The following CCT4 variants were observed in gnomAD, a reference collection of about 807,000 sequenced individuals.
CCT4 encodes the protein chaperonin containing TCP1 subunit 4, also known as T-complex protein 1 subunit delta.
A neutral mutation model predicts 62.5 loss-of-function variants in CCT4; 17 were observed. The observed-to-expected ratio is 0.27, with a 90% CI of 0.19 to 0.41. CCT4 has a LOEUF of 0.41. Among genes scored for constraint, CCT4 ranks in the 10% least tolerant of loss-of-function variants. The probability of loss-of-function intolerance (pLI) is 1.00; values close to 1 mark genes in which losing one functional copy is unlikely to be tolerated. For synonymous variants in CCT4, 250 were observed against 229.9 expected, an observed-to-expected ratio of 1.09 and a Z score of -0.79; for missense variants, 592 against 659.2, an observed-to-expected ratio of 0.90 and a Z score of 1.12.
rs759327568 is a variant in CCT4, at chr2:61,880,394, G to A, written c.271C>T (p.Leu91=). The change falls in exon 4 of 14, where the codon CTG becomes TTG. Residue 91 remains leucine (L), a splice_region_variant and synonymous_variant. Transcript: ENST00000394440. ...TCTTGAGCCTTAGACAGCTCCACCA[G>A]CTAAGTGAACAGAAAATGCCAAGTT... ...MQVLHPAARM[L]VELSKAQDIE... is the part of the protein sequence containing the mutation. The A allele has an allele frequency of 1.9e-6, 3 of 1,581,522 alleles. No homozygotes were observed. Among genetic ancestry groups the A allele is most frequent in the African/African-American group, 1.4e-5 (1 of 73,740 alleles).
At position 61,868,691 on chromosome 2, in the gene CCT4, A is replaced by G; in HGVS notation, c.*1T>C. On this transcript the variant is annotated 3_prime_UTR_variant, in exon 14 of 14. Transcript: ENST00000394440. ...ATAATGGTGCTAGTCAGTTATCCAG[A>G]TTATCGAGTGTTTACCTGATAAGAG... 6.3e-7 allele frequency: 1 copy of G among 1,592,222 alleles called. No homozygotes were observed.
At chr2:61,871,944 A>G in intron 12 of CCT4, 138 bp downstream of exon 12, 1 of 612,024 alleles carries the variant, frequency 1.6e-6, no homozygotes, top group South Asian at 2.2e-5. Context: ...GGCATAGATT[A>G]ATTAACATGC....
intron 5 of CCT4, 149 bp from the exon 6 acceptor site, chr2:61,877,663 T>TA: frequency 1.9e-6 from 1 of 533,920 alleles, no homozygotes; most frequent in Non-Finnish European, 3.1e-6. Flanking sequence ...AGACAGTCCA[T>TA]AAAGTGTCTT....
intron 4 of CCT4, among the ~76,000 whole-genome samples, chr2:61,879,894 C>T (rs1669076868): frequency 6.6e-6 from 1 of 152,074 alleles, no homozygotes; most frequent in Admixed American, 6.5e-5. Context: ...CCATGCCCGG[C>T]TAATTTTTTG....
In CCT4 at chr2:61,883,485, G is replaced by C; in HGVS notation, c.244C>G (p.Gln82Glu). 2 of 1,582,346 alleles carry C rather than the reference G, an allele frequency of 1.3e-6. No individual in the cohort carries two copies. The highest frequency in any genetic ancestry group is 1.7e-6 in the Non-Finnish European group (2 of 1,159,570). Residue 82 changes from glutamine to glutamate, a missense_variant, in exon 3 of 14, where the codon CAA becomes GAA. By Grantham distance (29) the Gln-to-Glu change is conservative. Coordinates refer to ENST00000394440, the MANE Select transcript of CCT4 (RefSeq NM_006430.4). ...ATTCTGGCTGCTGGATGTAATACTT[G>C]CATTTGTTTCAGAATGGTAGCACCA... is the stretch of plus-strand genomic sequence containing the variant. ...NDGATILKQMQVLHPAARMLV... is the reference protein window; with the variant it reads ...NDGATILKQMEVLHPAARMLV...
chr2:61,888,250 G>C, intron 1 of CCT4, 131 bp downstream of exon 1: 2 of 1,117,662 alleles, frequency 1.8e-6, no homozygotes, highest in African/African-American at 1.6e-5. Flanking sequence ...CCCTCCACTG[G>C]GCTGCTTCTA....
At chr2:61,869,143 GAAAAAAA>G (rs33947847) in intron 13 of CCT4, among the ~76,000 whole-genome samples, 37 of 70,722 alleles carry the variant, frequency 5.2e-4, no homozygotes, top group African/African-American at 9.1e-4. Context: ...CTTCGTCTCA[GAAAAAAA>G]AAAAAAAAAA....
At chr2:61,869,006 A>C in intron 13 of CCT4, 1 of 364,156 alleles carries the variant, frequency 2.7e-6, no homozygotes, top group South Asian at 2.7e-5. Context: ...GTGGTGGCAC[A>C]TGCCTGTAAT....
Position 61,888,607 on chromosome 2 carries a change from A to C in CCT4, c.-100T>G. 7.2e-7 allele frequency: 1 copy of C among 1,383,216 alleles called. No individual in the cohort carries two copies. Among genetic ancestry groups the C allele is most frequent in the Non-Finnish European group, 9.6e-7 (1 of 1,040,084 alleles). The allele number at this position is 1,383,216 out of a possible 1,614,324, so 85.7% of individuals were successfully genotyped here. On this transcript the variant is annotated 5_prime_UTR_variant, in exon 1 of 14. Coordinates refer to ENST00000394440, the MANE Select transcript of CCT4 (RefSeq NM_006430.4). The stretch of plus-strand genomic sequence containing the variant: ...ACGGTAAGCCCTCACTGCCTTCACG[A>C]ACCTTCCAGAAAGCGGCGCCGGCGT...
At chr2:61,873,666 A>G (rs779404588) in intron 8 of CCT4, among the ~76,000 whole-genome samples, 7 of 152,006 alleles carry the variant, frequency 4.6e-5, no homozygotes, top group Non-Finnish European at 1.0e-4. Context: ...CCTGGGTTCA[A>G]GCGATTCTCC....
At chr2:61,887,700 T>C (rs764443153) in intron 1 of CCT4, among the ~76,000 whole-genome samples, 1 of 152,226 alleles carries the variant, frequency 6.6e-6, no homozygotes, top group Non-Finnish European at 1.5e-5. Context: ...CACTAAGACA[T>C]GAAGTAACGG....
At position 61,888,348 on chromosome 2, in the gene CCT4, G is replaced by C. The variant is rs752331292; in HGVS notation, c.127+33C>G. ...CGATGAGAGCGCAGAGCACAACCCC[G>C]CGGCGCCGCGGGTCAGGCCATGAGA... On this transcript the variant is annotated intron_variant, in intron 1 of 13. Transcript: ENST00000394440. 15 of 1,600,654 alleles carry C rather than the reference G, an allele frequency of 9.4e-6. No individual in the cohort carries two copies. The African/African-American group carries it at 1.9e-4, about 20-fold the overall frequency.
At chr2:61,875,523 C>A (rs1331691247) in intron 8 of CCT4, among the ~76,000 whole-genome samples, 1 of 147,568 alleles carries the variant, frequency 6.8e-6, no homozygotes, top group Non-Finnish European at 1.5e-5. Flanking sequence ...GCGGAGGTTG[C>A]AGTGAGCCGA....
At chr2:61,887,894 T>C (rs1356224349) in intron 1 of CCT4, 1 of 152,788 alleles carries the variant, frequency 6.5e-6, no homozygotes. Flanking sequence ...TCCATCCCAG[T>C]ACAATGGGCC....
chr2:61,880,232 A>G (rs1669084272), intron 4 of CCT4, 54 bp downstream of exon 4: 1 of 782,916 alleles, frequency 1.3e-6, no homozygotes, highest in Non-Finnish European at 1.8e-6. Flanking sequence ...GGCTTTTCCT[A>G]AAGTTTGTTT....
intron 3 of CCT4, 26 bp from the exon 4 acceptor site, chr2:61,880,420 G>C (rs764531226): frequency 7.5e-7 from 1 of 1,332,232 alleles, no homozygotes; most frequent in Non-Finnish European, 1.1e-6. Flanking sequence ...ATGCCAAGTT[G>C]CTCAATGAGA....
chr2:61,876,745 G>A (rs1479458786), intron 7 of CCT4, among the ~76,000 whole-genome samples, 175 bp downstream of exon 7: 1 of 152,170 alleles, frequency 6.6e-6, no homozygotes, highest in African/African-American at 2.4e-5. Context: ...TATCCCAACT[G>A]AGGATACAGA....
intron 2 of CCT4, among the ~76,000 whole-genome samples, chr2:61,884,621 TTTTTA>T (rs200626730): frequency 0.015 from 2,222 of 151,420 alleles, 51 homozygotes; most frequent in African/African-American, 0.05. Flanking sequence ...CTTTCTACTA[TTTTTA>T]TTTTATTTAT....
At chr2:61,881,611 C>G (rs1669116946) in intron 3 of CCT4, among the ~76,000 whole-genome samples, 1 of 151,804 alleles carries the variant, frequency 6.6e-6, no homozygotes, top group African/African-American at 2.4e-5. Context: ...AAGCAAAGAC[C>G]ATTAATATTT....
Sources: gnomAD v4.1 joint callset for allele counts (sites outside exome capture counted in the v4.1 genomes callset) on GRCh38, gnomAD v4.1.1 for gene constraint, MANE v1.5 for transcripts, NCBI Gene and HGNC (gene_info 2026-07-23, HGNC 2026-07-21) for gene names.